Variants in RYR2 observed in about 807,000 individuals in gnomAD.
RYR2 encodes the protein ryanodine receptor 2.
RYR2 carries 227 observed loss-of-function variants against 601.1 expected under a neutral mutation model. That is an observed-to-expected ratio of 0.38 (90% CI 0.34 to 0.42). RYR2 has a LOEUF of 0.42. Ranked by LOEUF, RYR2 falls within the 10% of genes least tolerant of loss-of-function variation. The probability of loss-of-function intolerance (pLI) is 1.00; values close to 1 mark genes in which losing one functional copy is unlikely to be tolerated. For synonymous variants in RYR2, 2,223 were observed against 2,175.1 expected (o/e 1.02, Z -0.61); for missense variants, 4,646 against 6,156.5 (o/e 0.75, Z 8.21).
chr1:237,714,720 G>T (rs991168840), intron 71 of RYR2, among the ~76,000 whole-genome samples: 2 of 152,062 alleles, frequency 1.3e-5, no homozygotes, highest in African/African-American at 4.8e-5. Context: ...GCTGGGTGCG[G>T]TGGCTCACGC....
At position 237,469,139 on chromosome 1, in the gene RYR2, T is replaced by C. The variant is rs1660403247; in HGVS notation, c.1660T>C (p.Ser554Pro). The C allele has an allele frequency of 6.2e-7, 1 of 1,610,702 alleles. No individual in the cohort carries two copies. The highest frequency in any genetic ancestry group is 1.3e-5 in the African/African-American group (1 of 74,728). ...NRKNCAQFSG[S>P]LDWLISRLER... ...TAAAAACTGTGCTCAATTTTCTGGC[T>C]CCCTCGACTGGTTGATCAGCAGATT... The change falls in exon 17 of 105, where the codon TCC (serine) becomes CCC (proline). Residue 554 changes from serine to proline, a missense_variant. This residue lies in a region of RYR2 where 1,807 missense variants were observed against 2,088.1 expected (regional missense o/e 0.87). Transcript: ENST00000366574.
chr1:237,609,100 C>T (rs1193002863), intron 35 of RYR2, among the ~76,000 whole-genome samples: 2 of 144,666 alleles, frequency 1.4e-5, no homozygotes, highest in Admixed American at 1.4e-4. Flanking sequence ...GTCACCCAGG[C>T]TAGAGTGCAC....
intron 38 of RYR2, among the ~76,000 whole-genome samples, chr1:237,619,016 C>T (rs920754581): frequency 6.6e-6 from 1 of 152,096 alleles, no homozygotes; most frequent in African/African-American, 2.4e-5. Flanking sequence ...ATGGACTTCG[C>T]CTCCCACCTG....
chr1:237,248,595 G>A (rs1323887338), intron 1 of RYR2, among the ~76,000 whole-genome samples: 3 of 151,898 alleles, frequency 2.0e-5, no homozygotes, highest in Non-Finnish European at 4.4e-5. Flanking sequence ...CTGGGTATAA[G>A]CTGTATTGAG....
chr1:237,531,962 T>C (rs778049914), intron 25 of RYR2, among the ~76,000 whole-genome samples: 3 of 152,170 alleles, frequency 2.0e-5, no homozygotes, highest in Non-Finnish European at 2.9e-5. Context: ...TTTCAAATTA[T>C]TTCTCCTACT....
rs913237511 is a variant in RYR2, at chr1:237,301,508, A to C, written c.169-29370A>C. ...CAAGCACTGTAGTTGATAAGAGTTCAAACAGTCACGTAACCCCTTTTCTAA... is the reference window on the plus strand; with the variant it reads ...CAAGCACTGTAGTTGATAAGAGTTCCAACAGTCACGTAACCCCTTTTCTAA... On this transcript the variant is annotated intron_variant, in intron 2 of 104. Transcript: ENST00000366574. 2.0e-5 allele frequency among the ~76,000 whole-genome samples: 3 copies of C among 152,194 alleles called. No homozygotes were observed. The East Asian group carries it at 5.8e-4, about 29-fold the overall frequency.
chr1:237,647,693 A>G (rs1682316180), intron 48 of RYR2, among the ~76,000 whole-genome samples: 1 of 152,198 alleles, frequency 6.6e-6, no homozygotes, highest in Admixed American at 6.5e-5. Context: ...TAGTATTTGT[A>G]GAAGAGTACA....
intron 1 of RYR2, among the ~76,000 whole-genome samples, chr1:237,098,483 A>G (rs1667727290): frequency 6.6e-6 from 1 of 152,034 alleles, no homozygotes; most frequent in African/African-American, 2.4e-5. Flanking sequence ...AGTATTATTA[A>G]CATGCTGTCC....
intron 1 of RYR2, among the ~76,000 whole-genome samples, chr1:237,168,802 T>C (rs1474631555): frequency 2.0e-5 from 3 of 152,358 alleles, no homozygotes; most frequent in Middle Eastern, 3.4e-3. Flanking sequence ...CTTAATTTGA[T>C]GGTCAAATGT....
chr1:237,754,196 CATTG>C (rs1692760017), intron 80 of RYR2, among the ~76,000 whole-genome samples: 1 of 149,652 alleles, frequency 6.7e-6, no homozygotes, highest in Admixed American at 6.7e-5. Flanking sequence ...TTCCTCAAAA[CATTG>C]ATTATTAAAA....
At chr1:237,374,674 G>A (rs755688058) in intron 6 of RYR2, 43 bp from the exon 7 acceptor site, 8 of 1,519,550 alleles carry the variant, frequency 5.3e-6, no homozygotes, top group Admixed American at 1.8e-5. Context: ...AACAACAGAC[G>A]AACAAAACCT....
chr1:237,382,267 G>C (rs1701583426), intron 8 of RYR2, among the ~76,000 whole-genome samples: 1 of 152,136 alleles, frequency 6.6e-6, no homozygotes. Context: ...ATTAGGAAAA[G>C]CAGAATGCTT....
chr1:237,109,788 A>G (rs1264218672), intron 1 of RYR2, among the ~76,000 whole-genome samples: 1 of 151,944 alleles, frequency 6.6e-6, no homozygotes, highest in African/African-American at 2.4e-5. Context: ...CATGATTGCC[A>G]ACCTGACTAC....
chr1:237,363,129 T>C (rs915276934), intron 4 of RYR2, among the ~76,000 whole-genome samples: 3 of 151,950 alleles, frequency 2.0e-5, no homozygotes, highest in Admixed American at 2.0e-4. Context: ...TCACAAACCA[T>C]GTGCTGTACC....
At chr1:237,755,560 C>G (rs1470592812) in intron 80 of RYR2, among the ~76,000 whole-genome samples, 1 of 152,174 alleles carries the variant, frequency 6.6e-6, no homozygotes, top group East Asian at 1.9e-4. Context: ...AATGGTCATA[C>G]CAGTCTTGAA....
At chr1:237,773,004 A>G (rs572945417) in intron 86 of RYR2, among the ~76,000 whole-genome samples, 38 of 152,196 alleles carry the variant, frequency 2.5e-4, no homozygotes, top group Non-Finnish European at 4.9e-4. Flanking sequence ...ATTTGTTTAC[A>G]ATTGTTAGTA....
Position 237,388,404 on chromosome 1 carries a change from T to G in RYR2, c.773+221T>G, listed in dbSNP as rs556832748. On this transcript the variant is annotated intron_variant, in intron 10 of 104. Coordinates refer to ENST00000366574, the MANE Select transcript of RYR2 (RefSeq NM_001035.3). ...AGAAGAACTGAAAATTTTTGTATAATTAAAACATATTAAGAAACACTGAAC... is the reference window on the plus strand; with the variant it reads ...AGAAGAACTGAAAATTTTTGTATAAGTAAAACATATTAAGAAACACTGAAC... Among the ~76,000 whole-genome samples, 8 of 152,296 alleles carry G rather than the reference T, an allele frequency of 5.3e-5. No individual in the cohort carries two copies. The South Asian group carries it at 1.7e-3, about 32-fold the overall frequency.
In RYR2 at chr1:237,793,861, A is replaced by G. The variant is rs790901; in HGVS notation, c.13783-6A>G. On this transcript the variant is annotated splice_region_variant and splice_polypyrimidine_tract_variant and intron_variant, in intron 94 of 104. Transcript: ENST00000366574. ...TAATTTTAACGTATTTATTTTTCCT[A>G]TGTAGGTCCCATTGGTTATTTTTAA... 0.7 allele frequency: 1,108,579 copies of G among 1,589,870 alleles called. 391,473 individuals carry two copies. Among genetic ancestry groups the G allele is most frequent in the East Asian group, 0.95 (42,417 of 44,638 alleles).
chr1:237,631,884 TCCC>T (rs1460110803), intron 42 of RYR2, among the ~76,000 whole-genome samples: 1,367 of 9,214 alleles, frequency 0.15, 24 homozygotes, highest in African/African-American at 0.47. Context: ...CGCCTTGGCC[TCCC>T]CTCCCGAAGT....
Sources: allele counts gnomAD v4.1 joint callset (sites outside exome capture counted in the v4.1 genomes callset), GRCh38; gene constraint gnomAD v4.1.1; regional missense constraint gnomAD v4.1.1; transcripts MANE v1.5; gene names NCBI Gene and HGNC (gene_info 2026-07-23, HGNC 2026-07-21).